PIK3CA: variants seen among roughly 807,000 people sequenced by gnomAD.
The protein encoded by PIK3CA is phosphatidylinositol-4,5-bisphosphate 3-kinase catalytic subunit alpha, also known as phosphatidylinositol 4,5-bisphosphate 3-kinase catalytic subunit alpha isoform.
A neutral mutation model predicts 138.2 loss-of-function variants in PIK3CA; 27 were observed. The observed-to-expected ratio is 0.20, with a 90% confidence interval of 0.14 to 0.27. The LOEUF (loss-of-function observed/expected upper bound fraction) is 0.27, where lower values mean the gene tolerates loss of function less well. Among genes scored for constraint, PIK3CA ranks in the 10% least tolerant of loss-of-function variants. The pLI is 1.00. For missense variants in PIK3CA, 544 were observed against 1,277.4 expected (o/e 0.43, Z 8.75); for synonymous variants, 358 against 413.2 (o/e 0.87, Z 1.62).
At position 179,237,242 on chromosome 3, in the gene PIK3CA, AAAG is replaced by A. The variant is rs1473964079; in HGVS notation, c.*2884_*2886del. 2 of 193,444 alleles carry A rather than the reference AAAG, an allele frequency of 1.0e-5. No individual in the cohort carries two copies. The highest frequency in any genetic ancestry group is 4.6e-5 in the African/African-American group (2 of 43,148). 12.0% of individuals were successfully genotyped at this position (193,444 alleles called of 1,614,324 possible). On this transcript the variant is annotated 3_prime_UTR_variant, in exon 21 of 21. Coordinates refer to ENST00000263967, the MANE Select transcript of PIK3CA (RefSeq NM_006218.4). ...AAAGATGTTTCTAATTGGATTTTTA[AAAG>A]AAGAATGGAATTTGGTTGCTATTTT...
chr3:179,176,079 T>TG (rs1723690654), intron 1 of PIK3CA, among the ~76,000 whole-genome samples: 2 of 152,188 alleles, frequency 1.3e-5, no homozygotes, highest in East Asian at 1.9e-4. Flanking sequence ...GTCTTCTCTG[T>TG]GGGGGCTGCT....
chr3:179,172,834 T>G (rs552459150), intron 1 of PIK3CA, among the ~76,000 whole-genome samples: 1 of 152,234 alleles, frequency 6.6e-6, no homozygotes, highest in Non-Finnish European at 1.5e-5. Flanking sequence ...GGTTTTAAAA[T>G]TTATATGGAA....
chr3:179,161,323 G>C (rs1723274500), intron 1 of PIK3CA, among the ~76,000 whole-genome samples: 1 of 152,200 alleles, frequency 6.6e-6, no homozygotes, highest in Admixed American at 6.5e-5. Context: ...TTTTTATAAA[G>C]TAAATTCTGC....
intron 6 of PIK3CA, 49 bp downstream of exon 6, chr3:179,204,637 G>T: frequency 1.1e-6 from 1 of 909,626 alleles, no homozygotes; most frequent in Non-Finnish European, 1.8e-6. Flanking sequence ...TTAGTGTTTA[G>T]CAGTATGATC....
At chr3:179,229,226 T>C in intron 17 of PIK3CA, 46 bp from the exon 18 acceptor site, 3 of 1,493,838 alleles carry the variant, frequency 2.0e-6, no homozygotes, top group Non-Finnish European at 2.8e-6. Context: ...CATTTGCTAT[T>C]TTAAAATTCC....
rs1460579792 is a variant in PIK3CA, at chr3:179,238,762, C to T, written c.*4398C>T. On this transcript the variant is annotated 3_prime_UTR_variant, in exon 21 of 21. Coordinates refer to ENST00000263967, the MANE Select transcript of PIK3CA (RefSeq NM_006218.4). ...TGCATTTGGTGTGTGTATACTTGCA[C>T]ACAATTCTGTTTGTGTACACACTGC... 8.9e-6 allele frequency: 2 copies of T among 225,692 alleles called. No individual in the cohort carries two copies. Among genetic ancestry groups the T allele is most frequent in the Non-Finnish European group, 1.8e-5 (2 of 113,238 alleles). The allele number at this position is 225,692 out of a possible 1,614,324, so 14.0% of individuals were successfully genotyped here. A position where few individuals can be genotyped will look rare whatever the true frequency, so the allele number is the denominator to read the frequency against.
intron 10 of PIK3CA, among the ~76,000 whole-genome samples, chr3:179,218,561 A>G (rs1724895427): frequency 6.6e-6 from 1 of 151,960 alleles, no homozygotes; most frequent in Non-Finnish European, 1.5e-5. Context: ...GCTTTTTCTT[A>G]CTCTGAATTC....
intron 1 of PIK3CA, among the ~76,000 whole-genome samples, chr3:179,150,227 T>A (rs2108346335): frequency 6.6e-6 from 1 of 152,030 alleles, no homozygotes; most frequent in East Asian, 1.9e-4. Flanking sequence ...AGTTTTTTCA[T>A]CTCACATTTT....
At chr3:179,168,118 C>G (rs977471986) in intron 1 of PIK3CA, among the ~76,000 whole-genome samples, 3 of 152,152 alleles carry the variant, frequency 2.0e-5, no homozygotes, top group Non-Finnish European at 4.4e-5. Flanking sequence ...TGGTTCAGTT[C>G]CACCATTTCT....
chr3:179,220,398 T>G lies in PIK3CA; in HGVS notation c.2015+346T>G, dbSNP rs531662904. On this transcript the variant is annotated intron_variant, in intron 13 of 20. Transcript: ENST00000263967. The surrounding 1 kb of genome is among the most constrained non-coding windows in gnomAD (Gnocchi z 4.1). ...CAAACAAAGAAAAAAATGTTTTACCTTGAAATTCAGAACAATGTCAAACTC... is the reference window on the plus strand; with the variant it reads ...CAAACAAAGAAAAAAATGTTTTACCGTGAAATTCAGAACAATGTCAAACTC... Among the ~76,000 whole-genome samples, 1 of 152,304 alleles carries G rather than the reference T, an allele frequency of 6.6e-6. No individual in the cohort carries two copies. The highest frequency in any genetic ancestry group is 1.9e-4 in the East Asian group (1 of 5,192).
intron 4 of PIK3CA, among the ~76,000 whole-genome samples, chr3:179,202,939 G>GTTTT (rs372017091): frequency 5.0e-5 from 6 of 119,024 alleles, no homozygotes; most frequent in South Asian, 2.7e-4. Context: ...TGTGATCCTT[G>GTTTT]TTTTTTTTTT....
chr3:179,214,892 A>G (rs531399884), intron 9 of PIK3CA, among the ~76,000 whole-genome samples: 2 of 152,356 alleles, frequency 1.3e-5, no homozygotes, highest in African/African-American at 4.8e-5. Context: ...AATCTTGGCC[A>G]TAGCTTTTGA....
intron 1 of PIK3CA, among the ~76,000 whole-genome samples, chr3:179,178,720 A>G (rs115978107): frequency 0.01 from 1,557 of 152,282 alleles, 16 homozygotes; most frequent in Non-Finnish European, 0.015. Context: ...TACAATGAAA[A>G]GACACAAAGC....
Position 179,203,773 on chromosome 3 carries a change from T to G in PIK3CA, c.1043T>G (p.Ile348Ser). 6.2e-7 allele frequency: 1 copy of G among 1,607,282 alleles called. No individual in the cohort carries two copies. Among genetic ancestry groups the G allele is most frequent in the Non-Finnish European group, 8.5e-7 (1 of 1,177,136 alleles). Residue 348 changes from isoleucine (I) to serine (S), a missense_variant, in exon 5 of 21, where the codon ATT becomes AGT. Transcript: ENST00000263967. ...TGTGCAACCTACGTGAATGTAAATA[T>G]TCGAGACATTGATAAGGTAAAGTCA... ...ILCATYVNVNIRDIDKIYVRT... is the reference protein window; with the variant it reads ...ILCATYVNVNSRDIDKIYVRT...
chr3:179,185,455 CA>C (rs1410651665), intron 1 of PIK3CA, among the ~76,000 whole-genome samples: 1 of 152,242 alleles, frequency 6.6e-6, no homozygotes, highest in Non-Finnish European at 1.5e-5. Context: ...TCCCCACCAA[CA>C]ATCAGTCAGT....
intron 6 of PIK3CA, 104 bp downstream of exon 6, chr3:179,204,692 A>C: frequency 1.7e-6 from 1 of 580,686 alleles, no homozygotes; most frequent in South Asian, 2.4e-5. Context: ...GCAACAAAGC[A>C]AGACCCCATT....
intron 20 of PIK3CA, among the ~76,000 whole-genome samples, chr3:179,231,438 T>G (rs1038893134): frequency 3.3e-5 from 5 of 152,142 alleles, no homozygotes; most frequent in Admixed American, 6.6e-5. Context: ...CATTCTCATT[T>G]CACCACATCC....
chr3:179,190,802 A>G, intron 1 of PIK3CA, among the ~76,000 whole-genome samples: 1 of 152,200 alleles, frequency 6.6e-6, no homozygotes, highest in East Asian at 1.9e-4. Flanking sequence ...GGGGTCCTAC[A>G]AAGTATGAGA....
intron 1 of PIK3CA, among the ~76,000 whole-genome samples, chr3:179,171,579 A>G (rs146764727): frequency 1.3e-3 from 201 of 152,202 alleles, no homozygotes; most frequent in African/African-American, 4.8e-3. Flanking sequence ...GATACTATAA[A>G]TACTAAAAAG....
Sources: allele counts gnomAD v4.1 joint callset (sites outside exome capture counted in the v4.1 genomes callset), GRCh38; gene constraint gnomAD v4.1.1; non-coding constraint Gnocchi (gnomAD v3.1); transcripts MANE v1.5; gene names NCBI Gene and HGNC (gene_info 2026-07-23, HGNC 2026-07-21).